LRP1B: variants seen among roughly 807,000 people sequenced by gnomAD.
LRP1B encodes the protein LDL receptor related protein 1B.
A neutral mutation model predicts 556.6 loss-of-function variants in LRP1B; 217 were observed. That is an observed-to-expected ratio of 0.39 (90% confidence interval 0.35 to 0.44). LRP1B has a LOEUF of 0.44. Ranked by LOEUF, LRP1B falls within the 20% of genes least tolerant of loss-of-function variation. The pLI is 1.00. For synonymous variants in LRP1B, 2,047 were observed against 1,865.8 expected (o/e 1.10, Z -2.50); for missense variants, 5,053 against 5,620.8 (o/e 0.90, Z 3.23).
intron 1 of LRP1B, among the ~76,000 whole-genome samples, chr2:142,024,529 A>G (rs1274376103): frequency 6.6e-6 from 1 of 152,074 alleles, no homozygotes; most frequent in Non-Finnish European, 1.5e-5. Context: ...AATTAAACTT[A>G]AGACCTAGTT....
intron 2 of LRP1B, among the ~76,000 whole-genome samples, chr2:141,517,726 C>T (rs549411363): frequency 5.3e-5 from 8 of 152,256 alleles, no homozygotes; most frequent in East Asian, 1.9e-4. Flanking sequence ...CATAGGGAAT[C>T]GTGATCACAA....
chr2:141,918,374 A>G (rs918605204), intron 1 of LRP1B, among the ~76,000 whole-genome samples: 13 of 152,138 alleles, frequency 8.5e-5, no homozygotes, highest in Non-Finnish European at 1.9e-4. Context: ...TTCAGATGTA[A>G]CAACTACTGG....
At chr2:141,490,369 T>TTGTGTGTGTGTGTGTGTGTGTGTGTG (rs557540972) in intron 2 of LRP1B, among the ~76,000 whole-genome samples, 5 of 108,564 alleles carry the variant, frequency 4.6e-5, no homozygotes, top group African/African-American at 1.7e-4. Flanking sequence ...TAAAATAGCC[T>TTGTGTGTGTGTGTGTGTGTGTGTGTG]CGTGTGTGTG....
intron 1 of LRP1B, among the ~76,000 whole-genome samples, chr2:142,041,260 C>T (rs141498921): frequency 1.3e-5 from 2 of 151,412 alleles, no homozygotes; most frequent in African/African-American, 2.4e-5. Context: ...ACAAGGAAGC[C>T]ATTATCATTA....
chr2:140,608,423 G>A (rs144861884), intron 41 of LRP1B, among the ~76,000 whole-genome samples: 1 of 152,292 alleles, frequency 6.6e-6, no homozygotes, highest in African/African-American at 2.4e-5. Flanking sequence ...TTTCGTGATC[G>A]TGGATCTGTT....
chr2:140,760,788 A>G (rs919548369), intron 35 of LRP1B, among the ~76,000 whole-genome samples: 1 of 152,188 alleles, frequency 6.6e-6, no homozygotes, highest in East Asian at 1.9e-4. Flanking sequence ...TGGGAAGCAG[A>G]GGCAGGAGAA....
intron 7 of LRP1B, among the ~76,000 whole-genome samples, chr2:141,153,103 G>T (rs368029805): frequency 2.9e-4 from 43 of 148,464 alleles, no homozygotes; most frequent in African/African-American, 9.6e-4. Context: ...GGTGGCAAAA[G>T]ATCCACACTT....
intron 32 of LRP1B, among the ~76,000 whole-genome samples, chr2:140,800,414 T>A (rs1247834453): frequency 1.3e-5 from 2 of 152,172 alleles, no homozygotes; most frequent in Non-Finnish European, 2.9e-5. Flanking sequence ...AAAAAAAGTT[T>A]GCTGCACTAT....
At chr2:140,513,219 T>C (rs930866036) in intron 51 of LRP1B, among the ~76,000 whole-genome samples, 7 of 151,966 alleles carry the variant, frequency 4.6e-5, no homozygotes, top group African/African-American at 1.7e-4. Flanking sequence ...AGGAAAAAAA[T>C]GAAGTGGTCT....
chr2:140,321,632 A>AAACCCATAGCAGAATGTTCTCAAAAAAT (rs1265424003), intron 82 of LRP1B, among the ~76,000 whole-genome samples: 80 of 152,116 alleles, frequency 5.3e-4, no homozygotes, highest in Non-Finnish European at 1.0e-3. Flanking sequence ...GGCTGAGTTG[A>AAACCCATAGCAGAATGTTCTCAAAAAAT]AACCCATAGC....
chr2:140,365,928 A>G (rs1214841538), intron 71 of LRP1B, among the ~76,000 whole-genome samples: 2 of 151,738 alleles, frequency 1.3e-5, no homozygotes, highest in African/African-American at 2.4e-5. Context: ...CCTTTTGCAG[A>G]TGTACTTTGG....
intron 2 of LRP1B, among the ~76,000 whole-genome samples, chr2:141,728,009 A>T (rs1693106282): frequency 6.6e-6 from 1 of 152,006 alleles, no homozygotes; most frequent in African/African-American, 2.4e-5. Context: ...TCCCCAAAGG[A>T]CAGTACTTTT....
intron 3 of LRP1B, among the ~76,000 whole-genome samples, chr2:141,420,683 C>T (rs569754859): frequency 6.6e-6 from 1 of 152,304 alleles, no homozygotes; most frequent in African/African-American, 2.4e-5. Context: ...TACATCCATA[C>T]TCCACTCCCT....
At chr2:140,748,154 G>A (rs1688390574) in intron 35 of LRP1B, among the ~76,000 whole-genome samples, 2 of 127,338 alleles carry the variant, frequency 1.6e-5, no homozygotes, top group East Asian at 2.3e-4. Context: ...ATATATGTGT[G>A]TATATATTCA....
At chr2:140,383,293 CGTGT>C (rs35151647) in intron 67 of LRP1B, among the ~76,000 whole-genome samples, 11,930 of 145,688 alleles carry the variant, frequency 0.082, 540 homozygotes, top group South Asian at 0.17. Context: ...CAGTGATGTG[CGTGT>C]GTGTGTGTGT....
At chr2:141,226,125 A>C (rs117810037) in intron 6 of LRP1B, among the ~76,000 whole-genome samples, 10,653 of 98,796 alleles carry the variant, frequency 0.11, 470 homozygotes, top group East Asian at 0.19. Flanking sequence ...TTTCCCCCCC[A>C]AAAAAAACCA....
At chr2:141,460,975 G>A (rs1681844280) in intron 3 of LRP1B, among the ~76,000 whole-genome samples, 1 of 151,988 alleles carries the variant, frequency 6.6e-6, no homozygotes, top group Non-Finnish European at 1.5e-5. Context: ...CATCCAAGTG[G>A]AGATGGCACT....
intron 2 of LRP1B, among the ~76,000 whole-genome samples, chr2:141,795,262 T>A (rs557858149): frequency 6.6e-6 from 1 of 151,926 alleles, no homozygotes; most frequent in African/African-American, 2.4e-5. Context: ...CCATTTATAC[T>A]TTTTTTTATG....
rs778609109 is a variant in LRP1B at position 140,238,229 on chromosome 2, A to G, written c.13483T>C (p.Tyr4495His). The change falls in exon 89 of 91, where the codon TAT becomes CAT. Residue 4495 changes from tyrosine to histidine, a missense_variant. Transcript: ENST00000389484. ...GINVEIGNPS[Y>H]NMYEVDHDHN... is the part of the protein sequence containing the mutation. ...TCATGATCTACCTCATACATGTTAT[A>G]AGATGGATTGCCAATTTCTACATTT... The G allele has an allele frequency of 1.3e-6, 2 of 1,599,694 alleles. No individual in the cohort carries two copies. Among genetic ancestry groups the G allele is most frequent in the African/African-American group, 2.7e-5 (2 of 74,206 alleles).
Sources: gnomAD v4.1 joint callset for allele counts (sites outside exome capture counted in the v4.1 genomes callset) on GRCh38, gnomAD v4.1.1 for gene constraint, MANE v1.5 for transcripts, NCBI Gene and HGNC (gene_info 2026-07-23, HGNC 2026-07-21) for gene names.